The following SYNJ2 variants were observed in gnomAD, a reference collection of about 807,000 sequenced individuals.
SYNJ2 encodes the protein synaptojanin 2, also known as polyphosphatidylinositol phosphatase SYNJ2.
SYNJ2 carries 116 observed loss-of-function variants against 141.3 expected under a neutral mutation model. The observed-to-expected ratio is 0.82, with a 90% confidence interval of 0.71 to 0.96. The LOEUF (loss-of-function observed/expected upper bound fraction) is 0.96, where lower values mean the gene tolerates loss of function less well. Among genes scored for constraint, SYNJ2 ranks in the 40% least tolerant of loss-of-function variants. The pLI, the probability that SYNJ2 is intolerant of heterozygous loss-of-function variation, is 0.00. For synonymous variants in SYNJ2, 745 were observed against 777.7 expected (o/e 0.96, Z 0.70); for missense variants, 1,873 against 1,934.8 (o/e 0.97, Z 0.60).
chr6:158,087,026 G>A (rs202139262), intron 23 of SYNJ2, 37 bp downstream of exon 23: 41 of 1,577,236 alleles, frequency 2.6e-5, no homozygotes, highest in Non-Finnish European at 3.3e-5. Flanking sequence ...CTGGATGCCT[G>A]CCAGGAATAA....
chr6:158,083,951 T>C, intron 21 of SYNJ2, 50 bp from the exon 22 acceptor site: 1 of 1,596,040 alleles, frequency 6.3e-7, no homozygotes, highest in Non-Finnish European at 8.6e-7. Flanking sequence ...AGACTGAGCC[T>C]TTCCCCCTCA....
At position 158,040,985 on chromosome 6, in the gene SYNJ2, G is replaced by T. The variant is rs1289949574; in HGVS notation, c.712-2331G>T. On this transcript the variant is annotated intron_variant, in intron 4 of 26. Transcript: ENST00000355585. The surrounding 1 kb of genome is among the most constrained non-coding windows in gnomAD (Gnocchi z 4.2). ...CCCAAGCTCTCTCCGACGCCAGCAG[G>T]TGCCCGCATGCATAGTCATAGCGTC... Among the ~76,000 whole-genome samples the T allele has an allele frequency of 1.3e-5, 2 of 152,194 alleles. No individual in the cohort carries two copies. Among genetic ancestry groups the T allele is most frequent in the Non-Finnish European group, 1.5e-5 (1 of 68,034 alleles).
chr6:158,090,548 T>TG (rs199957025), intron 25 of SYNJ2, among the ~76,000 whole-genome samples: 1,560 of 142,752 alleles, frequency 0.011, 40 homozygotes, highest in African/African-American at 0.031. Flanking sequence ...TTTTGTTTTT[T>TG]TTTTTTTTTT....
chr6:158,028,456 T>A (rs1273824280), intron 2 of SYNJ2: 4 of 443,060 alleles, frequency 9.0e-6, no homozygotes, highest in Non-Finnish European at 1.6e-5. Flanking sequence ...GGAGGGCTTG[T>A]TAAAGCAAAG....
At position 158,093,960 on chromosome 6, in the gene SYNJ2, G is replaced by A. The variant is rs766953973; in HGVS notation, c.3744+856G>A. On this transcript the variant is annotated intron_variant, in intron 26 of 26. Coordinates refer to ENST00000355585, the MANE Select transcript of SYNJ2 (RefSeq NM_003898.4). ...TCAAAGACATGAGTTTGTAAGGACA[G>A]TAGCAGCCCAAAGACTGGCATCTGT... 6.5e-6 allele frequency: 5 copies of A among 765,226 alleles called. No individual in the cohort carries two copies. The African/African-American group carries it at 6.8e-5, about 10-fold the overall frequency. 47.4% of individuals were successfully genotyped at this position (765,226 alleles called of 1,614,324 possible).
At chr6:158,054,640 T>G (rs1780766540) in intron 5 of SYNJ2, among the ~76,000 whole-genome samples, 1 of 152,222 alleles carries the variant, frequency 6.6e-6, no homozygotes, top group African/African-American at 2.4e-5. Context: ...CTGACCTCTG[T>G]GCTATCAGAG....
chr6:158,094,394 CAAAAAAAAAAA>C (rs532980446), intron 26 of SYNJ2, among the ~76,000 whole-genome samples: 9 of 72,954 alleles, frequency 1.2e-4, no homozygotes, highest in African/African-American at 4.4e-4. Context: ...TACGGCTGGG[CAAAAAAAAAAA>C]AAAAAAAAAA....
At chr6:158,041,459 G>A (rs929148812) in intron 4 of SYNJ2, among the ~76,000 whole-genome samples, 1 of 152,202 alleles carries the variant, frequency 6.6e-6, no homozygotes, top group African/African-American at 2.4e-5. Flanking sequence ...ATAGGACGGG[G>A]TGCAGATGTC....
intron 1 of SYNJ2, among the ~76,000 whole-genome samples, chr6:158,005,577 G>A (rs576303392): frequency 4.0e-4 from 53 of 134,172 alleles, no homozygotes; most frequent in African/African-American, 1.4e-3. Context: ...TGCACTCCAC[G>A]CCTGCACCAG....
At chr6:158,049,789 C>T (rs1446454091) in intron 5 of SYNJ2, among the ~76,000 whole-genome samples, 4 of 151,636 alleles carry the variant, frequency 2.6e-5, no homozygotes, top group Non-Finnish European at 5.9e-5. Context: ...TGCAGGTATG[C>T]ACGTGGCTCT....
At chr6:157,983,355 G>A (rs1421451398) in intron 1 of SYNJ2, among the ~76,000 whole-genome samples, 1 of 152,294 alleles carries the variant, frequency 6.6e-6, no homozygotes, top group South Asian at 2.1e-4. Flanking sequence ...ATTCTAATTT[G>A]TGCTGTCCTG....
intron 1 of SYNJ2, among the ~76,000 whole-genome samples, chr6:157,984,433 C>G (rs1204736410): frequency 6.6e-6 from 1 of 152,106 alleles, no homozygotes; most frequent in African/African-American, 2.4e-5. Flanking sequence ...GAGCTTCACT[C>G]TTGTTGCCTG....
intron 1 of SYNJ2, among the ~76,000 whole-genome samples, chr6:158,007,124 C>T (rs1778103097): frequency 6.6e-6 from 1 of 152,078 alleles, no homozygotes; most frequent in African/African-American, 2.4e-5. Context: ...CACACCTTGC[C>T]CGACTAATAT....
At chr6:158,095,538 T>C in intron 26 of SYNJ2, 80 bp from the exon 27 acceptor site, 2 of 1,495,016 alleles carry the variant, frequency 1.3e-6, no homozygotes, top group Non-Finnish European at 1.8e-6. Flanking sequence ...CTCTGTTCTC[T>C]GCTGGCCACT....
Position 157,981,881 on chromosome 6 carries a change from G to T in SYNJ2, c.-81G>T. On this transcript the variant is annotated 5_prime_UTR_variant, in exon 1 of 27. Coordinates refer to ENST00000355585, the MANE Select transcript of SYNJ2 (RefSeq NM_003898.4). This position sits in a 1 kb window ranked among gnomAD's most constrained non-coding sequence, Gnocchi z 6.4. ...GCAAAGTGAAACTCTGGCAAGTTGCGGGCGCGCGGGGAGCTGTCGCGGGCA... is the reference window on the plus strand; with the variant it reads ...GCAAAGTGAAACTCTGGCAAGTTGCTGGCGCGCGGGGAGCTGTCGCGGGCA... 7 of 1,175,290 alleles carry T rather than the reference G, an allele frequency of 6.0e-6. No homozygotes were observed. The highest frequency in any genetic ancestry group is 7.4e-6 in the Non-Finnish European group (7 of 939,610). The allele number at this position is 1,175,290 out of a possible 1,614,324, so 72.8% of individuals were successfully genotyped here. A position where few individuals can be genotyped will look rare whatever the true frequency, so the allele number is the denominator to read the frequency against.
At position 158,097,414 on chromosome 6, in the gene SYNJ2, T is replaced by A. The variant is rs1310683626; in HGVS notation, c.*1050T>A. On this transcript the variant is annotated 3_prime_UTR_variant, in exon 27 of 27. Coordinates refer to ENST00000355585, the MANE Select transcript of SYNJ2 (RefSeq NM_003898.4). ...TTTTTCCCACGTTTCCAACAGCACT[T>A]CTCACCTATTCAATAACTGAAAAAG... 6.6e-6 allele frequency: 1 copy of A among 152,220 alleles called. No individual in the cohort carries two copies. The highest frequency in any genetic ancestry group is 1.9e-4 in the East Asian group (1 of 5,202). The allele number at this position is 152,220 out of a possible 1,614,324, so 9.4% of individuals were successfully genotyped here. A position where few individuals can be genotyped will look rare whatever the true frequency, so the allele number is the denominator to read the frequency against.
In SYNJ2 at chr6:158,004,916, C is replaced by T. The variant is rs368302367; in HGVS notation, c.128-12288C>T. 2.6e-4 allele frequency among the ~76,000 whole-genome samples: 40 copies of T among 151,956 alleles called. No individual in the cohort carries two copies. In the East Asian group the frequency reaches 3.3e-3, roughly 13 times the overall value. On this transcript the variant is annotated intron_variant, in intron 1 of 26. Transcript: ENST00000355585. Reference sequence around the variant, plus strand: ...TTCAGTGGCCACGTCGTTGATCCTTCGGAGGACCTTCGCCCCCTCTCCTCC... The same window carrying T: ...TTCAGTGGCCACGTCGTTGATCCTTTGGAGGACCTTCGCCCCCTCTCCTCC...
intron 1 of SYNJ2, among the ~76,000 whole-genome samples, chr6:157,997,535 AGCAAG>A (rs1260509706): frequency 6.6e-6 from 1 of 152,196 alleles, no homozygotes. Context: ...AGCTGGGAAA[AGCAAG>A]GGAAGATGCT....
rs1423836923 is a variant in SYNJ2, at chr6:158,040,260, T to C, written c.712-3056T>C. ...ATGTGTCATGTGCATTGTGCATTTGTGTATACATGTGTGTGGTGTGTGCCT... is the reference window on the plus strand; with the variant it reads ...ATGTGTCATGTGCATTGTGCATTTGCGTATACATGTGTGTGGTGTGTGCCT... On this transcript the variant is annotated intron_variant, in intron 4 of 26. Coordinates refer to ENST00000355585, the MANE Select transcript of SYNJ2 (RefSeq NM_003898.4). The surrounding 1 kb of genome is among the most constrained non-coding windows in gnomAD (Gnocchi z 4.2). 1.3e-5 allele frequency among the ~76,000 whole-genome samples: 2 copies of C among 149,918 alleles called. No individual in the cohort carries two copies. Among genetic ancestry groups the C allele is most frequent in the Non-Finnish European group, 2.9e-5 (2 of 68,024 alleles).
Sources: allele counts gnomAD v4.1 joint callset (sites outside exome capture counted in the v4.1 genomes callset), GRCh38; gene constraint gnomAD v4.1.1; non-coding constraint Gnocchi (gnomAD v3.1); transcripts MANE v1.5; gene names NCBI Gene and HGNC (gene_info 2026-07-23, HGNC 2026-07-21).